The following PPARGC1A variants were observed in gnomAD, a reference collection of about 807,000 sequenced individuals.
PPARGC1A encodes the protein peroxisome proliferator-activated receptor gamma coactivator 1-alpha.
A neutral mutation model predicts 88.7 loss-of-function variants in PPARGC1A; 25 were observed. The observed-to-expected ratio is 0.28, with a 90% CI of 0.21 to 0.39. The LOEUF is 0.39. Among genes scored for constraint, PPARGC1A ranks in the 10% least tolerant of loss-of-function variants. PPARGC1A has a pLI of 1.00. For missense variants in PPARGC1A, 880 were observed against 968.7 expected (o/e 0.91, Z 1.22); for synonymous variants, 363 against 355.6 (o/e 1.02, Z -0.24).
intron 2 of PPARGC1A, among the ~76,000 whole-genome samples, chr4:23,851,733 G>A (rs1186971519): frequency 2.0e-5 from 3 of 152,152 alleles, no homozygotes; most frequent in East Asian, 1.9e-4. Flanking sequence ...CAGTAAGAGT[G>A]AACCTTTTTA....
chr4:24,451,175 G>T, the PPARGC1A span, among the ~76,000 whole-genome samples: 9 of 152,148 alleles, frequency 5.9e-5, no homozygotes, highest in Non-Finnish European at 8.8e-5. Flanking sequence ...CATAAACTTT[G>T]CTTTGATGTC....
the PPARGC1A span, among the ~76,000 whole-genome samples, chr4:24,318,620 AT>A: frequency 6.6e-6 from 1 of 152,226 alleles, no homozygotes; most frequent in Non-Finnish European, 1.5e-5. Flanking sequence ...CATATGCAGC[AT>A]TTTTTTAAGC....
At chr4:24,227,541 A>G in the PPARGC1A span, among the ~76,000 whole-genome samples, 1 of 152,224 alleles carries the variant, frequency 6.6e-6, no homozygotes, top group African/African-American at 2.4e-5. Context: ...ACAAATAAAT[A>G]AGTAAATAAA....
chr4:24,039,292 A>T, the PPARGC1A span, among the ~76,000 whole-genome samples: 1 of 152,196 alleles, frequency 6.6e-6, no homozygotes, highest in Non-Finnish European at 1.5e-5. Flanking sequence ...ATTCAATTAC[A>T]CCACCGAGTA....
chr4:23,824,834 GGTTT>G (rs1215770764), intron 5 of PPARGC1A, among the ~76,000 whole-genome samples: 3 of 152,026 alleles, frequency 2.0e-5, no homozygotes, highest in Non-Finnish European at 4.4e-5. Flanking sequence ...TACAGTACAC[GGTTT>G]GTTTAGACAA....
At chr4:23,922,117 G>C in the PPARGC1A span, among the ~76,000 whole-genome samples, 1 of 152,170 alleles carries the variant, frequency 6.6e-6, no homozygotes, top group African/African-American at 2.4e-5. Flanking sequence ...GTCTTAAAGG[G>C]GAAATGCTAC....
intron 7 of PPARGC1A, among the ~76,000 whole-genome samples, chr4:23,817,933 G>A (rs1171518356): frequency 6.6e-6 from 1 of 152,140 alleles, no homozygotes; most frequent in Admixed American, 6.6e-5. Context: ...TTTCAGAGCT[G>A]CTGATGAGAC....
At chr4:24,462,389 G>T in the PPARGC1A span, among the ~76,000 whole-genome samples, 32 of 151,742 alleles carry the variant, frequency 2.1e-4, no homozygotes, top group Non-Finnish European at 3.7e-4. Context: ...GAGCCACCGC[G>T]CCTGGCCAGC....
At chr4:24,223,938 G>GA in the PPARGC1A span, among the ~76,000 whole-genome samples, 1 of 152,168 alleles carries the variant, frequency 6.6e-6, no homozygotes, top group Non-Finnish European at 1.5e-5. Context: ...AAGAAAGAAA[G>GA]AAATATCCCT....
chr4:24,249,627 G>T, the PPARGC1A span, among the ~76,000 whole-genome samples: 2 of 147,566 alleles, frequency 1.4e-5, no homozygotes, highest in African/African-American at 4.9e-5. Context: ...AATCGGTTGG[G>T]AGGAAACCCC....
At chr4:24,280,127 A>G in the PPARGC1A span, among the ~76,000 whole-genome samples, 1 of 152,182 alleles carries the variant, frequency 6.6e-6, no homozygotes, top group Non-Finnish European at 1.5e-5. Context: ...ACTGGCTTGC[A>G]GAGATCAGTG....
the PPARGC1A span, among the ~76,000 whole-genome samples, chr4:24,215,053 G>T: frequency 1.3e-5 from 2 of 152,122 alleles, no homozygotes; most frequent in South Asian, 2.1e-4. Context: ...ATTGAACAGA[G>T]CCCTAAGTGC....
chr4:23,933,713 C>T, the PPARGC1A span, among the ~76,000 whole-genome samples: 1 of 152,194 alleles, frequency 6.6e-6, no homozygotes, highest in Non-Finnish European at 1.5e-5. Context: ...ATCATCCCTG[C>T]CCACTTATTA....
At chr4:23,932,196 G>A in the PPARGC1A span, among the ~76,000 whole-genome samples, 1 of 152,108 alleles carries the variant, frequency 6.6e-6, no homozygotes, top group Non-Finnish European at 1.5e-5. Context: ...AAAACCAAAG[G>A]TACTGATCAA....
chr4:23,798,319 G>C (rs544303588), intron 12 of PPARGC1A, among the ~76,000 whole-genome samples: 74 of 152,088 alleles, frequency 4.9e-4, no homozygotes, highest in Non-Finnish European at 9.4e-4. Flanking sequence ...TGTATTATTT[G>C]AAACAAATCA....
At chr4:24,109,719 C>G in the PPARGC1A span, among the ~76,000 whole-genome samples, 3 of 152,082 alleles carry the variant, frequency 2.0e-5, no homozygotes, top group Non-Finnish European at 4.4e-5. Flanking sequence ...GTAGAGTGTC[C>G]CACACCACTT....
the PPARGC1A span, among the ~76,000 whole-genome samples, chr4:23,918,310 C>T: frequency 6.6e-6 from 1 of 151,864 alleles, no homozygotes; most frequent in Non-Finnish European, 1.5e-5. Context: ...ACAACCTCAG[C>T]CCCCAGGTTC....
the PPARGC1A span, among the ~76,000 whole-genome samples, chr4:24,332,621 A>T: frequency 1.3e-5 from 2 of 152,224 alleles, no homozygotes; most frequent in Non-Finnish European, 2.9e-5. Flanking sequence ...TGTGTATGTG[A>T]AACTTACCAA....
the PPARGC1A span, among the ~76,000 whole-genome samples, chr4:24,203,721 C>T: frequency 1.3e-5 from 2 of 152,212 alleles, no homozygotes; most frequent in East Asian, 1.9e-4. Context: ...CCATTGTGAA[C>T]ATCTGATGCA....
Sources: gnomAD v4.1 joint callset for allele counts (sites outside exome capture counted in the v4.1 genomes callset) on GRCh38, gnomAD v4.1.1 for gene constraint, MANE v1.5 for transcripts, NCBI Gene and HGNC (gene_info 2026-07-23, HGNC 2026-07-21) for gene names.